The following MYO6 variants were observed in gnomAD, a reference collection of about 807,000 sequenced individuals.
MYO6 encodes the protein myosin VI.
Under a neutral mutation model 178.7 loss-of-function variants are expected in MYO6, and 74 were observed. The observed-to-expected ratio is 0.41, with a 90% CI of 0.34 to 0.50. The LOEUF is 0.50. Ranked by LOEUF, MYO6 falls within the 20% of genes least tolerant of loss-of-function variation. The pLI is 0.09. For synonymous variants in MYO6, 477 were observed against 504.6 expected (o/e 0.95, Z 0.73); for missense variants, 1,330 against 1,547.4 (o/e 0.86, Z 2.36).
intron 30 of MYO6, among the ~76,000 whole-genome samples, chr6:75,899,909 C>T (rs1296037684): frequency 1.5e-5 from 2 of 129,808 alleles, no homozygotes; most frequent in Admixed American, 1.7e-4. Flanking sequence ...CAACAGTCCC[C>T]AGAGTGTGAT....
At chr6:75,903,219 A>G (rs1254646171) in intron 30 of MYO6, among the ~76,000 whole-genome samples, 3 of 151,328 alleles carry the variant, frequency 2.0e-5, no homozygotes, top group African/African-American at 4.8e-5. Flanking sequence ...TGGGGTGGAG[A>G]GTTCTGTAGA....
At chr6:75,912,444 T>C (rs1780828701) in intron 33 of MYO6, among the ~76,000 whole-genome samples, 1 of 152,062 alleles carries the variant, frequency 6.6e-6, no homozygotes, top group East Asian at 1.9e-4. Flanking sequence ...GTCTGTGTCT[T>C]TGTGTTTTTC....
chr6:75,784,041 C>T (rs561589790), intron 1 of MYO6, among the ~76,000 whole-genome samples: 22 of 151,882 alleles, frequency 1.4e-4, no homozygotes, highest in Non-Finnish European at 2.5e-4. Context: ...GCGCCATCTC[C>T]GCTCCCTACA....
intron 1 of MYO6, among the ~76,000 whole-genome samples, chr6:75,776,211 A>G (rs1378402097): frequency 6.6e-6 from 1 of 152,178 alleles, no homozygotes; most frequent in African/African-American, 2.4e-5. Flanking sequence ...TGTCTATTCA[A>G]TAAATAATTT....
chr6:75,756,899 A>T (rs1362285979), intron 1 of MYO6, among the ~76,000 whole-genome samples: 1 of 91,542 alleles, frequency 1.1e-5, no homozygotes, highest in African/African-American at 2.9e-5. Context: ...GTGTGTATAT[A>T]TATATATATA....
At position 75,779,468 on chromosome 6, in the gene MYO6, C is replaced by T. The variant is rs12664742; in HGVS notation, c.-48+30045C>T. Among the ~76,000 whole-genome samples the T allele has an allele frequency of 0.013, 1,912 of 151,900 alleles. 65 individuals carry two copies. In the East Asian group the frequency reaches 0.13, roughly 11 times the overall value. ...AGTGAGCCAAGATTGTGCCACTGCA[C>T]TCCAGCCTGGGTGACAGAGTGAGAT... is the stretch of plus-strand genomic sequence containing the variant. On this transcript the variant is annotated intron_variant, in intron 1 of 34. Coordinates refer to ENST00000369977, the MANE Select transcript of MYO6 (RefSeq NM_004999.4).
intron 23 of MYO6, among the ~76,000 whole-genome samples, chr6:75,882,058 AT>A (rs1778075806): frequency 6.6e-6 from 1 of 152,144 alleles, no homozygotes; most frequent in African/African-American, 2.4e-5. Flanking sequence ...ACAAAACAGA[AT>A]TCACTATCTT....
intron 1 of MYO6, among the ~76,000 whole-genome samples, chr6:75,781,373 G>C (rs1440236043): frequency 1.3e-5 from 2 of 152,110 alleles, no homozygotes; most frequent in Non-Finnish European, 1.5e-5. Flanking sequence ...TTTCTGGCAG[G>C]AGTACAAATT....
At chr6:75,911,571 C>A in intron 32 of MYO6, 101 bp from the exon 33 acceptor site, 1 of 1,000,400 alleles carries the variant, frequency 1.0e-6, no homozygotes, top group Non-Finnish European at 1.6e-6. Flanking sequence ...ATTTACTTTT[C>A]AGTCACCACC....
intron 1 of MYO6, among the ~76,000 whole-genome samples, chr6:75,749,829 C>T (rs1776695012): frequency 6.6e-6 from 1 of 152,122 alleles, no homozygotes; most frequent in South Asian, 2.1e-4. Flanking sequence ...TCAAATGATA[C>T]CATTAATAGT....
intron 1 of MYO6, among the ~76,000 whole-genome samples, chr6:75,767,665 C>T (rs553220488): frequency 5.3e-5 from 8 of 151,020 alleles, no homozygotes; most frequent in African/African-American, 9.7e-5. Flanking sequence ...ACTACAGGTG[C>T]GCACCACCAC....
At chr6:75,904,171 C>G (rs1180201803) in intron 30 of MYO6, among the ~76,000 whole-genome samples, 1 of 150,020 alleles carries the variant, frequency 6.7e-6, no homozygotes, top group African/African-American at 2.4e-5. Context: ...TTTTTTCCTT[C>G]ATTTCAACTT....
At chr6:75,870,716 T>TA in intron 19 of MYO6, 31 bp downstream of exon 19, 2 of 1,582,188 alleles carry the variant, frequency 1.3e-6, no homozygotes, top group African/African-American at 1.3e-5. Flanking sequence ...AACAGGTTTT[T>TA]ATGGGTCATC....
At position 75,782,366 on chromosome 6, in the gene MYO6, A is replaced by G. The variant is rs144978533; in HGVS notation, c.-48+32943A>G. On this transcript the variant is annotated intron_variant, in intron 1 of 34. Coordinates refer to ENST00000369977, the MANE Select transcript of MYO6 (RefSeq NM_004999.4). ...TTTTACTGTCTCTTACCCTTATTAT[A>G]TTCAAGATTCTTATTGCTGCTGCTT... 8.1e-3 allele frequency among the ~76,000 whole-genome samples: 1,235 copies of G among 152,088 alleles called. 7 individuals are homozygous for G. Among genetic ancestry groups the G allele is most frequent in the Non-Finnish European group, 0.014 (962 of 67,986 alleles).
At chr6:75,833,601 T>A (rs2181246) in intron 6 of MYO6, among the ~76,000 whole-genome samples, 42,467 of 152,222 alleles carry the variant, frequency 0.28, 7,400 homozygotes, top group Admixed American at 0.44. Context: ...TTAACTCAAC[T>A]TAAGATTCAT....
Position 75,886,913 on chromosome 6 carries a change from G to A in MYO6, c.2577G>A (p.Val859=). Residue 859 remains valine, a synonymous_variant, in exon 25 of 35, where the codon GTG becomes GTA. Coordinates refer to ENST00000369977, the MANE Select transcript of MYO6 (RefSeq NM_004999.4). ...RLDKFNEVVS[V]LKDGKPEMNK... ...ATAAATTTAATGAGGTAGTCAGTGT[G>A]TTGAAAGATGGAAAACCCGAGATGA... 6.2e-7 allele frequency: 1 copy of A among 1,613,772 alleles called. No individual in the cohort carries two copies. The highest frequency in any genetic ancestry group is 1.1e-5 in the South Asian group (1 of 91,078).
chr6:75,816,906 G>T (rs975924544), intron 1 of MYO6, among the ~76,000 whole-genome samples: 2 of 152,154 alleles, frequency 1.3e-5, no homozygotes, highest in Admixed American at 6.5e-5. Context: ...GTTTGCTTCT[G>T]TTCTAGTCAG....
At chr6:75,772,822 T>C (rs1437224924) in intron 1 of MYO6, among the ~76,000 whole-genome samples, 4 of 152,196 alleles carry the variant, frequency 2.6e-5, no homozygotes, top group African/African-American at 9.6e-5. Flanking sequence ...AGTGCTAAAG[T>C]TTTGAGATAG....
intron 3 of MYO6, among the ~76,000 whole-genome samples, chr6:75,826,519 A>G (rs973651718): frequency 6.6e-6 from 1 of 152,146 alleles, no homozygotes; most frequent in Non-Finnish European, 1.5e-5. Flanking sequence ...ACATCATGCA[A>G]CCAGGTATTT....
Sources: allele counts gnomAD v4.1 joint callset (sites outside exome capture counted in the v4.1 genomes callset), GRCh38; gene constraint gnomAD v4.1.1; transcripts MANE v1.5; gene names NCBI Gene and HGNC (gene_info 2026-07-23, HGNC 2026-07-21).